Variants in SPDYE3 observed in about 807,000 individuals in gnomAD.
The protein encoded by SPDYE3 is speedy/RINGO cell cycle regulator family member E3, also known as speedy protein E3.
Under a neutral mutation model 55.0 loss-of-function variants are expected in SPDYE3, and 15 were observed. The ratio of observed to expected loss-of-function variants is 0.27; its 90% CI spans 0.18 to 0.42. The LOEUF (loss-of-function observed/expected upper bound fraction) is 0.42, where lower values mean the gene tolerates loss of function less well. SPDYE3 is among the 10% of genes least tolerant of loss of function. SPDYE3 has a pLI of 1.00. For missense variants in SPDYE3, 236 were observed against 576.7 expected (o/e 0.41, Z 6.05); for synonymous variants, 89 against 229.9 (o/e 0.39, Z 5.55).
At chr7:100,309,551 C>T (rs1369032656) in intron 2 of SPDYE3, among the ~76,000 whole-genome samples, 2 of 138,974 alleles carry the variant, frequency 1.4e-5, no homozygotes, top group African/African-American at 5.2e-5. Flanking sequence ...CAGAGCAAAA[C>T]TCTGCGTCAA....
intron 3 of SPDYE3, among the ~76,000 whole-genome samples, chr7:100,311,485 C>G (rs979640527): frequency 1.5e-5 from 2 of 131,140 alleles, no homozygotes; most frequent in African/African-American, 6.0e-5. Flanking sequence ...GATTCTGTCT[C>G]GAAACAAAAA....
chr7:100,319,792 CGGAGGAGTT>C lies in SPDYE3; in HGVS notation c.1582_1590del (p.Leu528_Glu530del), dbSNP rs1789530457. On this transcript the variant is annotated inframe_deletion, in exon 9 of 11. Coordinates refer to ENST00000332397, the MANE Select transcript of SPDYE3 (RefSeq NM_001004351.5). ...ATGCGCTGCAGGGCTTGGGTTTCCC[CGGAGGAGTT>C]GGAGGAGGTGGGTGGGGCCTGGGGA... 1 of 1,583,170 alleles carries C rather than the reference CGGAGGAGTT, an allele frequency of 6.3e-7. No individual in the cohort carries two copies. Among genetic ancestry groups the C allele is most frequent in the Non-Finnish European group, 8.6e-7 (1 of 1,163,122 alleles).
chr7:100,315,874 T>C, intron 7 of SPDYE3, 31 bp downstream of exon 7: 1 of 1,599,112 alleles, frequency 6.3e-7, no homozygotes, highest in South Asian at 1.1e-5. Context: ...ACTGTGTTCC[T>C]GTTCTAACGC....
At chr7:100,320,450 G>A (rs1455071556) in intron 10 of SPDYE3, 4 of 1,024,142 alleles carry the variant, frequency 3.9e-6, no homozygotes, top group East Asian at 7.1e-5. Flanking sequence ...CACAGAGCAT[G>A]AGACTTCGTC....
chr7:100,315,687 A>G, intron 6 of SPDYE3, 98 bp from the exon 7 acceptor site: 1 of 1,583,184 alleles, frequency 6.3e-7, no homozygotes, highest in Non-Finnish European at 8.6e-7. Flanking sequence ...CACAATCCTG[A>G]GACTTTCCCC....
chr7:100,308,780 A>C (rs1219814053), intron 1 of SPDYE3, among the ~76,000 whole-genome samples, 194 bp from the exon 2 acceptor site: 8 of 148,844 alleles, frequency 5.4e-5, no homozygotes, highest in Admixed American at 2.7e-4. Flanking sequence ...TGTTCTGAGG[A>C]CAGAGAGAGG....
rs1789574117 is a variant in SPDYE3 at position 100,321,205 on chromosome 7, T to C, written c.*360T>C. 2.0e-6 allele frequency: 1 copy of C among 487,946 alleles called. No homozygotes were observed. Among genetic ancestry groups the C allele is most frequent in the South Asian group, 1.5e-5 (1 of 67,958 alleles). The allele number at this position is 487,946 out of a possible 1,614,324, so 30.2% of individuals were successfully genotyped here. On this transcript the variant is annotated 3_prime_UTR_variant, in exon 11 of 11. Coordinates refer to ENST00000332397, the MANE Select transcript of SPDYE3 (RefSeq NM_001004351.5). Reference sequence around the variant, plus strand: ...GGCGGAACCTGGAGGTCCTGTTTCTTACGGACTTGGTTGCCACAGTCCAGG... The same window carrying C: ...GGCGGAACCTGGAGGTCCTGTTTCTCACGGACTTGGTTGCCACAGTCCAGG...
chr7:100,319,819 C>A lies in SPDYE3; in HGVS notation c.1590+11C>A, dbSNP rs1204886931. On this transcript the variant is annotated intron_variant, in intron 9 of 10. Transcript: ENST00000332397. ...GAGGAGTTGGAGGAGGTGGGTGGGG[C>A]CTGGGGAGGTGGAGGATGTGGGGAG... is the stretch of plus-strand genomic sequence containing the variant. 3 of 1,613,968 alleles carry A rather than the reference C, an allele frequency of 1.9e-6. No homozygotes were observed. Among genetic ancestry groups the A allele is most frequent in the Non-Finnish European group, 2.5e-6 (3 of 1,179,968 alleles).
At chr7:100,318,507 T>C (rs1331442237) in intron 8 of SPDYE3, among the ~76,000 whole-genome samples, 1 of 152,182 alleles carries the variant, frequency 6.6e-6, no homozygotes, top group South Asian at 2.1e-4. Flanking sequence ...ACACATGTGG[T>C]TCTGAAGGGA....
At chr7:100,308,069 C>G in intron 1 of SPDYE3, 78 bp downstream of exon 1, 4 of 1,453,508 alleles carry the variant, frequency 2.8e-6, no homozygotes, top group Middle Eastern at 2.6e-4. Flanking sequence ...GTAGCTCACC[C>G]CTGTAACACC....
chr7:100,320,040 A>C lies in SPDYE3; in HGVS notation c.*45+5A>C, dbSNP rs111727167. The C allele has an allele frequency of 6.2e-7, 1 of 1,603,436 alleles. No homozygotes were observed. ...AGGTCATCGGCCTGAGAGAAGGTAC[A>C]TCTGCATCCTCCGGGGTAAAGGCAG... On this transcript the variant is annotated splice_donor_5th_base_variant and intron_variant, in intron 10 of 10. Transcript: ENST00000332397.
At chr7:100,317,644 C>A (rs1806136367) in intron 8 of SPDYE3, among the ~76,000 whole-genome samples, 3 of 148,454 alleles carry the variant, frequency 2.0e-5, no homozygotes, top group African/African-American at 7.4e-5. Context: ...GGCAAAAAAA[C>A]CAAACTCCAA....
intron 8 of SPDYE3, 131 bp from the exon 9 acceptor site, chr7:100,319,434 G>A (rs1440365024): frequency 1.6e-5 from 23 of 1,477,762 alleles, no homozygotes; most frequent in Middle Eastern, 4.8e-4. Context: ...TGAGGAAGGC[G>A]TGGCTCTCTG....
rs1250830987 is a variant in SPDYE3, at chr7:100,321,888, ATTACT to A, written c.*1047_*1051del. The A allele has an allele frequency of 1.2e-4, 16 of 137,364 alleles. No homozygotes were observed. In the Middle Eastern group the frequency reaches 0.011, roughly 97 times the overall value. The allele number at this position is 137,364 out of a possible 1,614,324, so 8.5% of individuals were successfully genotyped here. A position where few individuals can be genotyped will look rare whatever the true frequency, so the allele number is the denominator to read the frequency against. On this transcript the variant is annotated 3_prime_UTR_variant, in exon 11 of 11. Coordinates refer to ENST00000332397, the MANE Select transcript of SPDYE3 (RefSeq NM_001004351.5). ...AAATATATTTATTTATTTAAATGTT[ATTACT>A]TTAAATATTATTTTAAATATTTTGG...
At chr7:100,320,138 G>A (rs1789545809) in intron 10 of SPDYE3, 103 bp downstream of exon 10, 3 of 1,543,660 alleles carry the variant, frequency 1.9e-6, no homozygotes, top group South Asian at 2.3e-5. Context: ...GCAACGTGGC[G>A]AGATATCCCC....
intron 2 of SPDYE3, among the ~76,000 whole-genome samples, chr7:100,309,472 A>G (rs1389475148): frequency 1.5e-5 from 2 of 136,696 alleles, no homozygotes; most frequent in East Asian, 2.0e-4. Flanking sequence ...AGGCAAGAGG[A>G]TTGCTTGAAC....
chr7:100,317,801 T>C (rs992499759), intron 8 of SPDYE3, among the ~76,000 whole-genome samples: 7 of 145,492 alleles, frequency 4.8e-5, no homozygotes, highest in African/African-American at 1.8e-4. Context: ...CTGTCTCCAC[T>C]TAAAAAAAAA....
chr7:100,320,131 A>G, intron 10 of SPDYE3, 96 bp downstream of exon 10: 1 of 1,550,900 alleles, frequency 6.4e-7, no homozygotes, highest in Non-Finnish European at 8.7e-7. Context: ...AGCCTCGGCA[A>G]CGTGGCGAGA....
rs1298879784 is a variant in SPDYE3 at position 100,318,885 on chromosome 7, C to G, written c.1347-680C>G. 2.4e-5 allele frequency among the ~76,000 whole-genome samples: 3 copies of G among 124,142 alleles called. No individual in the cohort carries two copies. The East Asian group carries it at 7.0e-4, about 29-fold the overall frequency. The allele number at this position is 124,142 out of a possible 152,430, so 81.4% of individuals were successfully genotyped here. Reference sequence around the variant, plus strand: ...ACAGGGCTGTGCCACCACACCTGGACAGTTATTTATTTATTTATTTATTTA... The same window carrying G: ...ACAGGGCTGTGCCACCACACCTGGAGAGTTATTTATTTATTTATTTATTTA... On this transcript the variant is annotated intron_variant, in intron 8 of 10. Coordinates refer to ENST00000332397, the MANE Select transcript of SPDYE3 (RefSeq NM_001004351.5).
Sources: allele counts gnomAD v4.1 joint callset (sites outside exome capture counted in the v4.1 genomes callset), GRCh38; gene constraint gnomAD v4.1.1; transcripts MANE v1.5; gene names NCBI Gene and HGNC (gene_info 2026-07-23, HGNC 2026-07-21).